TLN2: variants seen among roughly 807,000 people sequenced by gnomAD.
TLN2 encodes talin 2, also known as talin-2.
Under a neutral mutation model 294.7 loss-of-function variants are expected in TLN2, and 118 were observed. The observed-to-expected ratio is 0.40, with a 90% confidence interval of 0.34 to 0.47. The LOEUF is 0.47. Among genes scored for constraint, TLN2 ranks in the 20% least tolerant of loss-of-function variants. The probability of loss-of-function intolerance (pLI) is 0.84; values close to 1 mark genes in which losing one functional copy is unlikely to be tolerated. For missense variants in TLN2, 3,083 were observed against 3,282.2 expected, an observed-to-expected ratio of 0.94 and a Z score of 1.48; for synonymous variants, 1,431 against 1,304.5, an observed-to-expected ratio of 1.10 and a Z score of -2.09.
Position 62,779,666 on chromosome 15 carries a change from G to A in TLN2, c.5515-1474G>A, listed in dbSNP as rs1487752826. ...GTCACATCTCACATGCAAGCTCCTA[G>A]CATGTGGCCTGAGGCTTAGAAGATG... On this transcript the variant is annotated intron_variant, in intron 43 of 58. Transcript: ENST00000636159. Among the ~76,000 whole-genome samples the A allele has an allele frequency of 6.5e-4, 99 of 152,348 alleles. 1 individual carries two copies. The highest frequency in any genetic ancestry group is 1.9e-4 in the East Asian group (1 of 5,184).
chr15:62,536,841 A>G (rs545607628), intron 1 of TLN2, among the ~76,000 whole-genome samples: 1 of 152,328 alleles, frequency 6.6e-6, no homozygotes, highest in East Asian at 1.9e-4. Context: ...TCATATTTTG[A>G]TATGTGTCAT....
At chr15:62,508,828 G>A (rs1399347080) in intron 1 of TLN2, among the ~76,000 whole-genome samples, 1 of 152,090 alleles carries the variant, frequency 6.6e-6, no homozygotes, top group Non-Finnish European at 1.5e-5. Context: ...AGCAGTGGAG[G>A]TCTCTACTAT....
intron 46 of TLN2, 53 bp from the exon 47 acceptor site, chr15:62,796,074 G>T: frequency 6.3e-7 from 1 of 1,583,310 alleles, no homozygotes; most frequent in Non-Finnish European, 8.6e-7. Flanking sequence ...TCTGCTTTTA[G>T]GTCCTGTTCT....
At position 62,704,949 on chromosome 15, in the gene TLN2, C is replaced by A. The variant is rs369547528; in HGVS notation, c.2004+2085C>A. ...ATCTTGACGTAGTCATTTATGTTCC[C>A]CAAAAGTATTAATATTATTGTTTTC... On this transcript the variant is annotated intron_variant, in intron 19 of 58. Coordinates refer to ENST00000636159, the MANE Select transcript of TLN2 (RefSeq NM_015059.3). Among the ~76,000 whole-genome samples the A allele has an allele frequency of 4.6e-5, 7 of 152,086 alleles. No individual in the cohort carries two copies. In the East Asian group the frequency reaches 7.7e-4, roughly 17 times the overall value.
chr15:62,506,584 G>C (rs2039633472), intron 1 of TLN2, among the ~76,000 whole-genome samples: 1 of 152,222 alleles, frequency 6.6e-6, no homozygotes, highest in African/African-American at 2.4e-5. Context: ...CAACATGAAA[G>C]CTCTCCCATG....
chr15:62,593,790 T>C (rs1368854239), intron 2 of TLN2, among the ~76,000 whole-genome samples: 1 of 152,200 alleles, frequency 6.6e-6, no homozygotes, highest in African/African-American at 2.4e-5. Flanking sequence ...GTACTACTTA[T>C]AGAGTGTAAA....
chr15:62,763,801 G>C, intron 40 of TLN2, 106 bp downstream of exon 40: 1 of 1,409,186 alleles, frequency 7.1e-7, no homozygotes, highest in Non-Finnish European at 9.3e-7. Flanking sequence ...TGTTTCTGTT[G>C]CTGGAGTTTC....
At chr15:62,773,195 C>T (rs539996391) in intron 42 of TLN2, among the ~76,000 whole-genome samples, 1 of 148,826 alleles carries the variant, frequency 6.7e-6, no homozygotes, top group African/African-American at 2.5e-5. Flanking sequence ...AAGCAGTCCT[C>T]CCCCTTCAGC....
At chr15:62,405,726 A>G (rs1190192611) in intron 1 of TLN2, among the ~76,000 whole-genome samples, 2 of 152,102 alleles carry the variant, frequency 1.3e-5, no homozygotes, top group African/African-American at 2.4e-5. Context: ...CTGGTGGGGA[A>G]CCAGAAGCTG....
intron 1 of TLN2, among the ~76,000 whole-genome samples, chr15:62,465,503 G>A (rs1051955205): frequency 2.6e-5 from 4 of 152,146 alleles, no homozygotes; most frequent in Non-Finnish European, 5.9e-5. Flanking sequence ...CAGTCCCTGT[G>A]TTCTGTCGTT....
chr15:62,677,941 A>G (rs999330250), intron 11 of TLN2, among the ~76,000 whole-genome samples: 5 of 151,036 alleles, frequency 3.3e-5, no homozygotes, highest in African/African-American at 9.7e-5. Context: ...GGTTACAGGC[A>G]TGCACCACCA....
At chr15:62,587,922 C>T (rs1347735034) in intron 1 of TLN2, among the ~76,000 whole-genome samples, 2 of 152,112 alleles carry the variant, frequency 1.3e-5, no homozygotes, top group Non-Finnish European at 2.9e-5. Flanking sequence ...ACTCTGCAGT[C>T]CAGGCTGGAG....
At chr15:62,511,936 A>G (rs989233930) in intron 1 of TLN2, among the ~76,000 whole-genome samples, 3 of 151,972 alleles carry the variant, frequency 2.0e-5, no homozygotes, top group Non-Finnish European at 2.9e-5. Flanking sequence ...ACCCTGGTCG[A>G]TTTTGCACCT....
At chr15:62,586,771 G>GA (rs1357644170) in intron 1 of TLN2, among the ~76,000 whole-genome samples, 14 of 152,148 alleles carry the variant, frequency 9.2e-5, no homozygotes, top group African/African-American at 3.4e-4. Context: ...TTCTTCTTCA[G>GA]AAAATCTCTT....
At chr15:62,825,259 G>A (rs1357591135) in intron 54 of TLN2, among the ~76,000 whole-genome samples, 2 of 152,164 alleles carry the variant, frequency 1.3e-5, no homozygotes, top group Non-Finnish European at 2.9e-5. Context: ...TACATTGTTT[G>A]ACTGAAATGG....
intron 32 of TLN2, among the ~76,000 whole-genome samples, chr15:62,742,375 T>C (rs1353636246): frequency 2.0e-5 from 3 of 152,164 alleles, no homozygotes; most frequent in African/African-American, 7.2e-5. Flanking sequence ...ATAAGGCAAC[T>C]GACATTTCCA....
rs370174984 is a variant in TLN2 at position 62,676,337 on chromosome 15, C to G, written c.957+1016C>G. On this transcript the variant is annotated intron_variant, in intron 11 of 58. Transcript: ENST00000636159. ...TATTAATACATTAACCAAACTAGCT[C>G]TCAGTTTTACATCCAAAATCGCTGG... Among the ~76,000 whole-genome samples, 25 of 152,266 alleles carry G rather than the reference C, an allele frequency of 1.6e-4. No homozygotes were observed. The East Asian group carries it at 4.8e-3, about 29-fold the overall frequency.
chr15:62,711,423 C>A (rs551759575), intron 21 of TLN2, among the ~76,000 whole-genome samples: 39 of 152,314 alleles, frequency 2.6e-4, no homozygotes, highest in African/African-American at 8.7e-4. Context: ...CCAAATGGCA[C>A]ACATTGAATG....
Position 62,752,355 on chromosome 15 carries a change from C to T in TLN2, c.4260C>T (p.Asp1420=), listed in dbSNP as rs753908594. 3 of 1,614,136 alleles carry T rather than the reference C, an allele frequency of 1.9e-6. No homozygotes were observed. Among genetic ancestry groups the T allele is most frequent in the South Asian group, 2.2e-5 (2 of 91,080 alleles). The change falls in exon 35 of 59, where the codon GAC becomes GAT. Residue 1420 remains aspartate, a synonymous_variant. Transcript: ENST00000636159. The stretch of plus-strand genomic sequence containing the variant: ...TTTCACAGAATGCCAAGACCGGAGA[C>T]CTCCCTGCCTTTGGGGAATGTGTGG... ...AGISQNAKTG[D]LPAFGECVGI... is the part of the protein sequence containing the mutation.
Sources: allele counts gnomAD v4.1 joint callset (sites outside exome capture counted in the v4.1 genomes callset), GRCh38; gene constraint gnomAD v4.1.1; transcripts MANE v1.5; gene names NCBI Gene and HGNC (gene_info 2026-07-23, HGNC 2026-07-21).